FAM117B: variants seen among roughly 807,000 people sequenced by gnomAD.
The protein encoded by FAM117B is protein FAM117B.
In FAM117B, 22 loss-of-function variants were observed where a neutral mutation model predicts 52.8. The observed-to-expected ratio is 0.42, with a 90% CI of 0.30 to 0.59. The LOEUF (loss-of-function observed/expected upper bound fraction) is 0.59. Among genes scored for constraint, FAM117B ranks in the 20% least tolerant of loss-of-function variants. The pLI, the probability that FAM117B is intolerant of heterozygous loss-of-function variation, is 0.22. For synonymous variants in FAM117B, 309 were observed against 324.1 expected (o/e 0.95, Z 0.50); for missense variants, 678 against 802.6 (o/e 0.84, Z 1.88).
intron 4 of FAM117B, among the ~76,000 whole-genome samples, chr2:202,729,035 T>C (rs1285681413): frequency 1.3e-5 from 2 of 152,190 alleles, no homozygotes; most frequent in Admixed American, 6.5e-5. Context: ...GTAGTACTCA[T>C]GTTTAATTGA....
chr2:202,721,735 G>C (rs960221710), intron 2 of FAM117B, among the ~76,000 whole-genome samples: 2 of 152,060 alleles, frequency 1.3e-5, no homozygotes, highest in African/African-American at 4.8e-5. Flanking sequence ...CCAGGCTCAA[G>C]CAATCCTCCC....
chr2:202,735,068 C>T (rs751283964), intron 4 of FAM117B, among the ~76,000 whole-genome samples: 3 of 152,104 alleles, frequency 2.0e-5, no homozygotes, highest in Non-Finnish European at 4.4e-5. Flanking sequence ...GATTACACTG[C>T]CTTTTTGTAT....
intron 2 of FAM117B, among the ~76,000 whole-genome samples, chr2:202,700,900 A>G (rs920920340): frequency 6.6e-6 from 1 of 152,078 alleles, no homozygotes; most frequent in African/African-American, 2.4e-5. Context: ...GGATCTTGCT[A>G]TGTTGACCAG....
At chr2:202,759,456 CA>C in intron 7 of FAM117B, 103 bp downstream of exon 7, 12 of 1,416,062 alleles carry the variant, frequency 8.5e-6, no homozygotes, top group African/African-American at 1.5e-5. Context: ...CTGATGCAGT[CA>C]CAGGTCACAC....
At chr2:202,726,880 T>G (rs1691253054) in intron 4 of FAM117B, among the ~76,000 whole-genome samples, 1 of 152,036 alleles carries the variant, frequency 6.6e-6, no homozygotes, top group Admixed American at 6.6e-5. Context: ...CACATGGGTA[T>G]GTATGTAACA....
chr2:202,752,556 T>C (rs1207242155), intron 4 of FAM117B, among the ~76,000 whole-genome samples: 2 of 152,128 alleles, frequency 1.3e-5, no homozygotes, highest in East Asian at 3.8e-4. Context: ...TTCTAATCAG[T>C]GTTACCTTTG....
rs565502997 is a variant in FAM117B, at chr2:202,635,418, A to AGGCGGC, written c.243_248dup (p.Gly83_Gly84dup). 4.2e-3 allele frequency: 5,228 copies of AGGCGGC among 1,241,308 alleles called. 179 individuals are homozygous for AGGCGGC. In the African/African-American group the frequency reaches 0.072, roughly 17 times the overall value. 76.9% of individuals were successfully genotyped at this position (1,241,308 alleles called of 1,614,324 possible). A position where few individuals can be genotyped will look rare whatever the true frequency, so the allele number is the denominator to read the frequency against. On this transcript the variant is annotated inframe_insertion, in exon 1 of 8. Transcript: ENST00000392238. ...GCTGTGGTGGCGCCTCAGGCCCCGC[A>AGGCGGC]GGCGGCGGCGGCGGCGGTGGCCCGC...
intron 1 of FAM117B, among the ~76,000 whole-genome samples, chr2:202,656,851 G>A (rs548577903): frequency 2.0e-5 from 3 of 151,984 alleles, no homozygotes; most frequent in East Asian, 3.9e-4. Context: ...ATATTTTGAA[G>A]CTTTAAAAAA....
chr2:202,710,304 G>GT (rs937056737), intron 2 of FAM117B, among the ~76,000 whole-genome samples: 1 of 151,970 alleles, frequency 6.6e-6, no homozygotes, highest in African/African-American at 2.4e-5. Flanking sequence ...TTTAATCAAT[G>GT]TTTTTTAGTT....
chr2:202,758,570 A>G (rs1366621920), intron 6 of FAM117B, among the ~76,000 whole-genome samples: 1 of 152,218 alleles, frequency 6.6e-6, no homozygotes, highest in Non-Finnish European at 1.5e-5. Flanking sequence ...CAGACTGAAA[A>G]TTTAGAACAG....
At chr2:202,709,360 G>A (rs528098720) in intron 2 of FAM117B, among the ~76,000 whole-genome samples, 3 of 152,124 alleles carry the variant, frequency 2.0e-5, no homozygotes, top group East Asian at 1.9e-4. Context: ...CCGCCATCAC[G>A]CCCAGCTAAT....
At position 202,726,321 on chromosome 2, in the gene FAM117B, G is replaced by A. The variant is rs770730408; in HGVS notation, c.918G>A (p.Gln306=). The A allele has an allele frequency of 6.2e-6, 10 of 1,613,786 alleles. No individual in the cohort carries two copies. In the South Asian group the frequency reaches 1.1e-4, roughly 18 times the overall value. Residue 306 remains glutamine (Q), a synonymous_variant, in exon 4 of 8, where the codon CAG becomes CAA. Transcript: ENST00000392238. ...SSRHHRDKER[Q]SPFHGNHAAI... is the part of the protein sequence containing the mutation. ...GGCATCATCGAGATAAAGAAAGACA[G>A]TCTCCATTTCATGGCAACCATGCAG... is the stretch of plus-strand genomic sequence containing the variant.
In FAM117B at chr2:202,647,967, C is replaced by T. The variant is rs150971165; in HGVS notation, c.601+12179C>T. On this transcript the variant is annotated intron_variant, in intron 1 of 7. Coordinates refer to ENST00000392238, the MANE Select transcript of FAM117B (RefSeq NM_173511.4). ...AGTATAGGCTGCTGCTTGGAGTCTT[C>T]GCCCTCAAGGAACTAACTCTGTAAT... 9.1e-4 allele frequency among the ~76,000 whole-genome samples: 138 copies of T among 152,202 alleles called. 1 individual carries two copies. The highest frequency in any genetic ancestry group is 6.2e-3 in the East Asian group (32 of 5,178).
intron 2 of FAM117B, among the ~76,000 whole-genome samples, chr2:202,712,529 G>T (rs2105782581): frequency 6.7e-6 from 1 of 150,080 alleles, no homozygotes; most frequent in Non-Finnish European, 1.5e-5. Context: ...TACAGTTTGG[G>T]TGCCTATTAT....
chr2:202,730,457 C>G (rs1304123213), intron 4 of FAM117B, among the ~76,000 whole-genome samples: 1 of 152,026 alleles, frequency 6.6e-6, no homozygotes, highest in African/African-American at 2.4e-5. Context: ...GTTGCTTTAG[C>G]CCAGGAGTTC....
intron 4 of FAM117B, among the ~76,000 whole-genome samples, chr2:202,730,689 TAAAA>T (rs1281719995): frequency 1.3e-5 from 2 of 151,674 alleles, no homozygotes; most frequent in Non-Finnish European, 2.9e-5. Flanking sequence ...AATGAAAAAA[TAAAA>T]AATGAAATAG....
In FAM117B at chr2:202,673,433, G is replaced by GTTTTTTTTTTTTTTTTT. The variant is rs1158185300; in HGVS notation, c.602-22432_602-22416dup. On this transcript the variant is annotated intron_variant, in intron 1 of 7. Coordinates refer to ENST00000392238, the MANE Select transcript of FAM117B (RefSeq NM_173511.4). ...TAGCCTACCCTATTTTTCTTTTTCT[G>GTTTTTTTTTTTTTTTTT]TTTTTTTTTTTTTTTTTTTTTTTTT... Among the ~76,000 whole-genome samples, 17 of 37,534 alleles carry GTTTTTTTTTTTTTTTTT rather than the reference G, an allele frequency of 4.5e-4. 4 individuals are homozygous for GTTTTTTTTTTTTTTTTT. The highest frequency in any genetic ancestry group is 2.1e-3 in the East Asian group (2 of 944). 24.6% of individuals were successfully genotyped at this position (37,534 alleles called of 152,430 possible).
chr2:202,695,943 G>T lies in FAM117B; in HGVS notation c.664G>T (p.Asp222Tyr). The stretch of plus-strand genomic sequence containing the variant: ...TATTATCCGACGCACTTCCTCCCTG[G>T]ATACTCTTGCTGCACCGTATCTTGC... The part of the protein sequence containing the change: ...SSIIRRTSSL[D>Y]TLAAPYLAGH... Residue 222 changes from aspartate (D) to tyrosine (Y), a missense_variant, in exon 2 of 8, where the codon GAT becomes TAT. By Grantham distance (160) the Asp-to-Tyr change is radical. Around this residue, in one of 3 missense-constraint regions of FAM117B, gnomAD observed 583 missense variants for 644.8 expected, o/e 0.90. Coordinates refer to ENST00000392238, the MANE Select transcript of FAM117B (RefSeq NM_173511.4). 1 of 1,613,976 alleles carries T rather than the reference G, an allele frequency of 6.2e-7. No homozygotes were observed.
intron 2 of FAM117B, among the ~76,000 whole-genome samples, chr2:202,716,572 C>T (rs988437495): frequency 2.0e-5 from 3 of 152,012 alleles, no homozygotes; most frequent in African/African-American, 4.8e-5. Context: ...TTTGAGGTTA[C>T]TACAAGGCCC....
Sources: allele counts gnomAD v4.1 joint callset (sites outside exome capture counted in the v4.1 genomes callset), GRCh38; gene constraint gnomAD v4.1.1; regional missense constraint gnomAD v4.1.1; transcripts MANE v1.5; gene names NCBI Gene and HGNC (gene_info 2026-07-23, HGNC 2026-07-21).